The following HNF4G variants were observed in gnomAD, a reference collection of about 807,000 sequenced individuals.
The protein encoded by HNF4G is hepatocyte nuclear factor 4 gamma.
Under a neutral mutation model 50.9 loss-of-function variants are expected in HNF4G, and 21 were observed. The ratio of observed to expected loss-of-function variants is 0.41; its 90% CI spans 0.29 to 0.59. HNF4G has a LOEUF of 0.59. Ranked by LOEUF, HNF4G falls within the 20% of genes least tolerant of loss-of-function variation. The pLI is 0.26. For missense variants in HNF4G, 527 were observed against 559.4 expected (o/e 0.94, Z 0.58); for synonymous variants, 198 against 185.6 (o/e 1.07, Z -0.54).
At chr8:75,549,259 T>C (rs1162075013) in intron 3 of HNF4G, among the ~76,000 whole-genome samples, 2 of 152,172 alleles carry the variant, frequency 1.3e-5, no homozygotes, top group Non-Finnish European at 2.9e-5. Flanking sequence ...CAAGATTAAT[T>C]AGATGGAAAC....
chr8:75,477,038 C>T (rs917574454), intron 1 of HNF4G, among the ~76,000 whole-genome samples: 3 of 152,134 alleles, frequency 2.0e-5, no homozygotes, highest in African/African-American at 7.2e-5. Context: ...GAGTATTTAG[C>T]TTTAAAATTA....
At chr8:75,487,682 G>T (rs1221639160) in intron 1 of HNF4G, among the ~76,000 whole-genome samples, 2 of 152,144 alleles carry the variant, frequency 1.3e-5, no homozygotes, top group Non-Finnish European at 2.9e-5. Flanking sequence ...GGACTAACTA[G>T]AATTAGAATA....
At chr8:75,460,841 T>C (rs1484024141) in intron 1 of HNF4G, among the ~76,000 whole-genome samples, 8 of 152,222 alleles carry the variant, frequency 5.3e-5, no homozygotes, top group African/African-American at 1.9e-4. Flanking sequence ...TAATATGTTA[T>C]GAAGAATTGC....
intron 1 of HNF4G, among the ~76,000 whole-genome samples, chr8:75,428,037 T>G (rs1389703012): frequency 1.3e-5 from 2 of 152,172 alleles, no homozygotes; most frequent in Non-Finnish European, 2.9e-5. Flanking sequence ...CATAAAACAT[T>G]GCTTTATATA....
chr8:75,463,701 AG>A (rs1228629981), intron 1 of HNF4G, among the ~76,000 whole-genome samples: 6 of 151,252 alleles, frequency 4.0e-5, no homozygotes, highest in Admixed American at 1.3e-4. Context: ...AACTTTGGTC[AG>A]GTGTCAAGTT....
intron 1 of HNF4G, among the ~76,000 whole-genome samples, chr8:75,440,838 C>T (rs1199216084): frequency 6.6e-6 from 1 of 151,884 alleles, no homozygotes; most frequent in East Asian, 1.9e-4. Flanking sequence ...TTATACACTT[C>T]AATTAATTAA....
chr8:75,463,745 C>CCAACTATT (rs1256040293), intron 1 of HNF4G, among the ~76,000 whole-genome samples: 4 of 150,512 alleles, frequency 2.7e-5, no homozygotes, highest in African/African-American at 9.8e-5. Flanking sequence ...ATAACCACCT[C>CCAACTATT]CAACTATTCT....
At chr8:75,480,101 TTATC>T (rs1812341059) in intron 1 of HNF4G, among the ~76,000 whole-genome samples, 1 of 152,192 alleles carries the variant, frequency 6.6e-6, no homozygotes, top group African/African-American at 2.4e-5. Flanking sequence ...GATAATTTGC[TTATC>T]TATGTGCTAT....
At chr8:75,409,884 G>A (rs539379873) in intron 1 of HNF4G, among the ~76,000 whole-genome samples, 34 of 152,106 alleles carry the variant, frequency 2.2e-4, no homozygotes, top group African/African-American at 7.7e-4. Flanking sequence ...TAGAAAAAGA[G>A]CCCCCTCCCC....
At chr8:75,559,766 A>G (rs536174869) in intron 8 of HNF4G, among the ~76,000 whole-genome samples, 1 of 148,090 alleles carries the variant, frequency 6.8e-6, no homozygotes, top group Non-Finnish European at 1.5e-5. Flanking sequence ...AACCTAATAC[A>G]TATATATATA....
chr8:75,551,603 A>AT, intron 4 of HNF4G, 109 bp downstream of exon 4: 3 of 644,694 alleles, frequency 4.7e-6, no homozygotes, highest in South Asian at 3.9e-5. Context: ...TACTAAAATA[A>AT]GTTACATCTA....
chr8:75,486,715 A>C (rs985128812), intron 1 of HNF4G, among the ~76,000 whole-genome samples: 1 of 152,194 alleles, frequency 6.6e-6, no homozygotes, highest in Non-Finnish European at 1.5e-5. Flanking sequence ...GAATTTAAAA[A>C]CTGAGTAGCC....
chr8:75,454,025 T>TTCTCTCTCTCTC (rs58676228), intron 1 of HNF4G, among the ~76,000 whole-genome samples: 20 of 133,908 alleles, frequency 1.5e-4, no homozygotes, highest in African/African-American at 4.8e-4. Flanking sequence ...AAGAAGAAAT[T>TTCTCTCTCTCTC]TCTCTCTCTC....
intron 1 of HNF4G, among the ~76,000 whole-genome samples, chr8:75,455,932 A>C (rs1233564030): frequency 6.6e-6 from 1 of 152,158 alleles, no homozygotes; most frequent in Non-Finnish European, 1.5e-5. Flanking sequence ...AATTTAATTA[A>C]CTAATAGAAT....
chr8:75,553,578 A>G (rs11989529), intron 5 of HNF4G, among the ~76,000 whole-genome samples: 2,015 of 152,202 alleles, frequency 0.013, 30 homozygotes, highest in African/African-American at 0.042. Flanking sequence ...CGTTTACTGA[A>G]GCTGCTATAT....
chr8:75,553,084 A>T lies in HNF4G; in HGVS notation c.532A>T (p.Lys178Ter), dbSNP rs200165958. 6.2e-7 allele frequency: 1 copy of T among 1,612,770 alleles called. No homozygotes were observed. Among genetic ancestry groups the T allele is most frequent in the East Asian group, 2.2e-5 (1 of 44,778 alleles). The change falls in exon 5 of 10, where the codon AAG (lysine) becomes TAG (stop). Residue 178 changes from lysine to a stop codon, truncating the protein, a stop_gained. Coordinates refer to ENST00000396423, the MANE Select transcript of HNF4G (RefSeq NM_004133.5). LOFTEE classifies it high-confidence loss of function. ...TGGGTCAAGCACTGACATAAACGTT[A>T]AGAAAATTGCAAGTATTGGTGATGT... ...SPGSSTDINV[K>*]KIASIGDVCE...
intron 1 of HNF4G, among the ~76,000 whole-genome samples, chr8:75,443,786 T>C (rs1021018057): frequency 6.6e-6 from 1 of 152,180 alleles, no homozygotes; most frequent in African/African-American, 2.4e-5. Flanking sequence ...AATCAGTAAG[T>C]TGTAATTCAT....
intron 2 of HNF4G, among the ~76,000 whole-genome samples, chr8:75,511,580 TGAC>T (rs1275192504): frequency 6.6e-6 from 1 of 152,198 alleles, no homozygotes; most frequent in Non-Finnish European, 1.5e-5. Context: ...GTATTTAGCG[TGAC>T]TTTATTTTTA....
At chr8:75,480,850 A>G (rs942694492) in intron 1 of HNF4G, among the ~76,000 whole-genome samples, 5 of 151,702 alleles carry the variant, frequency 3.3e-5, no homozygotes, top group Admixed American at 1.3e-4. Context: ...AACCGGGACT[A>G]CATGCGTCAG....
Sources: gnomAD v4.1 joint callset for allele counts (sites outside exome capture counted in the v4.1 genomes callset) on GRCh38, gnomAD v4.1.1 for gene constraint, MANE v1.5 for transcripts, NCBI Gene and HGNC (gene_info 2026-07-23, HGNC 2026-07-21) for gene names.